Variants in FCHO2 observed in about 807,000 individuals in gnomAD.
FCHO2 encodes F-BAR domain only protein 2.
In FCHO2, 43 loss-of-function variants were observed where a neutral mutation model predicts 114.1. The observed-to-expected ratio is 0.38, with a 90% CI of 0.30 to 0.49. FCHO2 has a LOEUF of 0.49. Ranked by LOEUF, FCHO2 falls within the 20% of genes least tolerant of loss-of-function variation. FCHO2 has a pLI of 0.97. For missense variants in FCHO2, 807 were observed against 950.4 expected, an observed-to-expected ratio of 0.85 and a Z score of 1.98; for synonymous variants, 293 against 315.2, an observed-to-expected ratio of 0.93 and a Z score of 0.75.
chr5:73,015,601 C>G (rs774762653), intron 6 of FCHO2, 25 bp from the exon 7 acceptor site: 24 of 1,340,886 alleles, frequency 1.8e-5, no homozygotes, highest in Middle Eastern at 3.6e-4. Flanking sequence ...TGTTATAAAT[C>G]TATAACTTTG....
At chr5:72,992,735 A>G (rs1383798689) in intron 5 of FCHO2, among the ~76,000 whole-genome samples, 1 of 152,220 alleles carries the variant, frequency 6.6e-6, no homozygotes, top group African/African-American at 2.4e-5. Flanking sequence ...TATTTTGGCC[A>G]TATCTACAAT....
chr5:73,067,115 A>G (rs904119686), intron 18 of FCHO2, among the ~76,000 whole-genome samples: 1 of 152,006 alleles, frequency 6.6e-6, no homozygotes, highest in African/African-American at 2.4e-5. Flanking sequence ...GCACATCTCA[A>G]TTTGGACTAG....
chr5:73,015,075 CAAA>C (rs1001718712), intron 6 of FCHO2, among the ~76,000 whole-genome samples: 2 of 31,828 alleles, frequency 6.3e-5, no homozygotes, highest in African/African-American at 1.2e-4. Context: ...GACTCCGTCT[CAAA>C]AAAAAAAAAA....
At chr5:73,078,101 T>C (rs1742975764) in intron 21 of FCHO2, 79 bp from the exon 22 acceptor site, 1 of 1,144,874 alleles carries the variant, frequency 8.7e-7, no homozygotes, top group Non-Finnish European at 1.2e-6. Flanking sequence ...TAGTTTTTCC[T>C]GTGTCACCAA....
chr5:73,001,559 T>TC (rs1209066821), intron 5 of FCHO2, among the ~76,000 whole-genome samples: 1 of 152,110 alleles, frequency 6.6e-6, no homozygotes, highest in African/African-American at 2.4e-5. Flanking sequence ...TCATTTTTTT[T>TC]CTCCCTATCA....
intron 12 of FCHO2, among the ~76,000 whole-genome samples, chr5:73,051,738 G>C (rs1757349132): frequency 6.6e-6 from 1 of 151,674 alleles, no homozygotes; most frequent in Admixed American, 6.6e-5. Context: ...GCTAATTTTT[G>C]TATTTTTAGT....
In FCHO2 at chr5:73,068,683, A is replaced by G; in HGVS notation, c.1483A>G (p.Thr495Ala). Reference protein sequence around the residue: ...RPFSPPVTSNTSPPPAAPLAR... With the variant: ...RPFSPPVTSNASPPPAAPLAR... ...ATTCAGCCCACCTGTAACTTCCAAC[A>G]CCAGCCCACCTCCTGCTGCACCATT... Residue 495 changes from threonine (T) to alanine (A), a missense_variant, in exon 19 of 26, where the codon ACC (threonine) becomes GCC (alanine). By Grantham distance (58) the Thr-to-Ala change is moderately conservative (BLOSUM62 0). Transcript: ENST00000430046. 6.2e-7 allele frequency: 1 copy of G among 1,612,294 alleles called. No homozygotes were observed.
intron 5 of FCHO2, among the ~76,000 whole-genome samples, chr5:72,992,524 G>A (rs552722255): frequency 6.6e-5 from 10 of 152,252 alleles, no homozygotes; most frequent in East Asian, 1.9e-4. Context: ...TGGCTCTTAC[G>A]TGGCAAAAGG....
chr5:72,978,897 G>A (rs550212389), intron 2 of FCHO2, among the ~76,000 whole-genome samples: 62 of 152,238 alleles, frequency 4.1e-4, no homozygotes, highest in Admixed American at 3.1e-3. Context: ...TTCTGTTTAT[G>A]TGATGGATTA....
At chr5:73,070,390 T>G (rs891175873) in intron 19 of FCHO2, among the ~76,000 whole-genome samples, 2 of 147,644 alleles carry the variant, frequency 1.4e-5, no homozygotes. Flanking sequence ...TAATTTTATA[T>G]AAACTGAATA....
intron 1 of FCHO2, among the ~76,000 whole-genome samples, chr5:72,964,916 G>T (rs1399593765): frequency 6.6e-6 from 1 of 151,848 alleles, no homozygotes. Flanking sequence ...GTCCTGTTTG[G>T]TATGCGAATC....
At chr5:73,067,701 G>C (rs917452782) in intron 18 of FCHO2, among the ~76,000 whole-genome samples, 4 of 151,190 alleles carry the variant, frequency 2.6e-5, no homozygotes, top group African/African-American at 9.7e-5. Flanking sequence ...CCTAATCCAG[G>C]GTCAGACACA....
At chr5:73,068,929 A>G (rs1270177088) in intron 19 of FCHO2, 150 bp downstream of exon 19, 8 of 914,642 alleles carry the variant, frequency 8.7e-6, no homozygotes, top group South Asian at 4.4e-5. Flanking sequence ...TAAACTGTCC[A>G]TGCTTTGCTT....
At chr5:73,053,881 CTT>C (rs750161710) in intron 13 of FCHO2, among the ~76,000 whole-genome samples, 1 of 142,260 alleles carries the variant, frequency 7.0e-6, no homozygotes, top group Non-Finnish European at 1.6e-5. Context: ...GTACTCTTCT[CTT>C]TTCAGTTTGT....
At chr5:72,974,322 T>G (rs1311442595) in intron 2 of FCHO2, among the ~76,000 whole-genome samples, 2 of 138,832 alleles carry the variant, frequency 1.4e-5, no homozygotes, top group Non-Finnish European at 3.2e-5. Context: ...CTCCCATTAT[T>G]AATGTGTGGG....
intron 5 of FCHO2, among the ~76,000 whole-genome samples, chr5:72,992,076 A>T (rs1753841589): frequency 6.6e-6 from 1 of 152,208 alleles, no homozygotes; most frequent in South Asian, 2.1e-4. Flanking sequence ...TATTTTAAAC[A>T]ACTAACCAAT....
chr5:73,056,232 C>T, intron 16 of FCHO2, 125 bp downstream of exon 16: 2 of 665,362 alleles, frequency 3.0e-6, no homozygotes, highest in East Asian at 3.0e-5. Flanking sequence ...CTTCATATGC[C>T]CAGTCTCTCT....
chr5:73,033,893 T>C (rs1359669127), intron 8 of FCHO2, among the ~76,000 whole-genome samples: 1 of 152,202 alleles, frequency 6.6e-6, no homozygotes, highest in Non-Finnish European at 1.5e-5. Context: ...GCTATTTTAA[T>C]TGTTTTCTAA....
chr5:73,005,311 G>A (rs1047627877), intron 5 of FCHO2, among the ~76,000 whole-genome samples: 21 of 151,938 alleles, frequency 1.4e-4, no homozygotes, highest in Admixed American at 9.8e-4. Context: ...GGTACTGATC[G>A]GCTTTAAACA....
Sources: gnomAD v4.1 joint callset for allele counts (sites outside exome capture counted in the v4.1 genomes callset) on GRCh38, gnomAD v4.1.1 for gene constraint, MANE v1.5 for transcripts, NCBI Gene and HGNC (gene_info 2026-07-23, HGNC 2026-07-21) for gene names.